Variants in TSPAN5 observed in about 807,000 individuals in gnomAD.
The protein encoded by TSPAN5 is tetraspanin-5.
In TSPAN5, 10 loss-of-function variants were observed where a neutral mutation model predicts 37.1. The ratio of observed to expected loss-of-function variants is 0.27; its 90% confidence interval spans 0.17 to 0.46. The LOEUF (loss-of-function observed/expected upper bound fraction) is 0.46. Ranked by LOEUF, TSPAN5 falls within the 20% of genes least tolerant of loss-of-function variation. TSPAN5 has a pLI of 1.00. For missense variants in TSPAN5, 195 were observed against 326.6 expected (o/e 0.60, Z 3.11); for synonymous variants, 110 against 118.9 (o/e 0.93, Z 0.48).
At chr4:98,564,858 A>G (rs1754966547) in intron 1 of TSPAN5, among the ~76,000 whole-genome samples, 1 of 152,166 alleles carries the variant, frequency 6.6e-6, no homozygotes, top group Non-Finnish European at 1.5e-5. Context: ...AAAAAGAACA[A>G]AAGCTTTTTC....
chr4:98,588,186 A>C (rs1258213112), intron 1 of TSPAN5, among the ~76,000 whole-genome samples: 1 of 152,186 alleles, frequency 6.6e-6, no homozygotes, highest in Admixed American at 6.5e-5. Flanking sequence ...AATTAACTTC[A>C]TCATGGCCTG....
chr4:98,609,143 A>G (rs868532691), intron 1 of TSPAN5, among the ~76,000 whole-genome samples: 1 of 152,334 alleles, frequency 6.6e-6, no homozygotes, highest in South Asian at 2.1e-4. Context: ...AAAAAACCCA[A>G]CAGCTACCAC....
chr4:98,557,605 T>C (rs13141997), intron 1 of TSPAN5, among the ~76,000 whole-genome samples: 87,374 of 152,040 alleles, frequency 0.57, 26,025 homozygotes, highest in South Asian at 0.77. Flanking sequence ...TGCCCACAAC[T>C]GGGAAGGGCA....
intron 1 of TSPAN5, among the ~76,000 whole-genome samples, chr4:98,633,066 T>C (rs1756782433): frequency 1.3e-5 from 2 of 152,006 alleles, no homozygotes; most frequent in African/African-American, 4.8e-5. Context: ...CTGGTTGGAC[T>C]CATGAGGGCA....
At chr4:98,539,033 G>A (rs757185201) in intron 1 of TSPAN5, among the ~76,000 whole-genome samples, 20 of 151,778 alleles carry the variant, frequency 1.3e-4, no homozygotes, top group Non-Finnish European at 2.4e-4. Flanking sequence ...GTAACAGTTG[G>A]GGGTGGGAGG....
intron 1 of TSPAN5, among the ~76,000 whole-genome samples, chr4:98,564,047 C>CAA (rs1754941860): frequency 6.6e-6 from 1 of 152,104 alleles, no homozygotes; most frequent in Admixed American, 6.5e-5. Flanking sequence ...GACACACACA[C>CAA]AAAAAACGTG....
chr4:98,475,413 A>G (rs1752669730), intron 7 of TSPAN5, among the ~76,000 whole-genome samples: 1 of 152,212 alleles, frequency 6.6e-6, no homozygotes, highest in African/African-American at 2.4e-5. Context: ...CCAGGAGGAA[A>G]AGTGGGTGCT....
intron 1 of TSPAN5, among the ~76,000 whole-genome samples, chr4:98,607,615 T>A (rs138812619): frequency 6.6e-6 from 1 of 152,242 alleles, no homozygotes; most frequent in Non-Finnish European, 1.5e-5. Context: ...ATTGCCTACA[T>A]ATACATTTTG....
chr4:98,549,533 T>G (rs1244659494), intron 1 of TSPAN5, among the ~76,000 whole-genome samples: 1 of 152,056 alleles, frequency 6.6e-6, no homozygotes, highest in Non-Finnish European at 1.5e-5. Context: ...ACTCCTGACC[T>G]TGTGATCTGC....
At chr4:98,599,671 T>A (rs532773469) in intron 1 of TSPAN5, among the ~76,000 whole-genome samples, 2 of 152,346 alleles carry the variant, frequency 1.3e-5, no homozygotes, top group African/African-American at 4.8e-5. Flanking sequence ...TTCATATGAA[T>A]GAACATTGTA....
chr4:98,658,115 T>C (rs1427335920), intron 1 of TSPAN5, 31 bp downstream of exon 1: 1 of 1,575,494 alleles, frequency 6.3e-7, no homozygotes, highest in Admixed American at 1.7e-5. Flanking sequence ...TCGGCCACAA[T>C]AGTTGGAATC....
intron 3 of TSPAN5, among the ~76,000 whole-genome samples, chr4:98,485,792 A>C (rs2110263379): frequency 7.2e-6 from 1 of 138,072 alleles, no homozygotes; most frequent in African/African-American, 3.0e-5. Flanking sequence ...TTTTAATGAG[A>C]ATGTCCCTGG....
intron 1 of TSPAN5, among the ~76,000 whole-genome samples, chr4:98,562,802 A>G (rs1056435376): frequency 1.3e-5 from 2 of 152,222 alleles, no homozygotes; most frequent in South Asian, 4.1e-4. Flanking sequence ...AAGAGAGACT[A>G]AGACGACTCC....
chr4:98,537,648 C>A (rs1212064406), intron 1 of TSPAN5, among the ~76,000 whole-genome samples: 1 of 152,204 alleles, frequency 6.6e-6, no homozygotes, highest in Non-Finnish European at 1.5e-5. Context: ...CCCATGCTCT[C>A]AACATGTGCC....
At chr4:98,625,475 T>C (rs1234999405) in intron 1 of TSPAN5, among the ~76,000 whole-genome samples, 1 of 152,194 alleles carries the variant, frequency 6.6e-6, no homozygotes, top group African/African-American at 2.4e-5. Flanking sequence ...CAACTCAAGA[T>C]TACCCATGCA....
intron 5 of TSPAN5, among the ~76,000 whole-genome samples, chr4:98,478,171 T>C (rs1752749288): frequency 6.6e-6 from 1 of 152,210 alleles, no homozygotes; most frequent in Non-Finnish European, 1.5e-5. Flanking sequence ...CTATCTTGTC[T>C]CAAACTCTCC....
chr4:98,643,364 T>G (rs1272977058), intron 1 of TSPAN5, among the ~76,000 whole-genome samples: 2 of 152,172 alleles, frequency 1.3e-5, no homozygotes, highest in South Asian at 2.1e-4. Flanking sequence ...TGAAATCCCA[T>G]GACTCATTTC....
chr4:98,598,204 G>C (rs1407854758), intron 1 of TSPAN5, among the ~76,000 whole-genome samples: 1 of 140,712 alleles, frequency 7.1e-6, no homozygotes, highest in Non-Finnish European at 1.5e-5. Flanking sequence ...GATTTTCCAG[G>C]TGCGTCCGTC....
At chr4:98,566,346 C>CG (rs1755004451) in intron 1 of TSPAN5, among the ~76,000 whole-genome samples, 11 of 32,652 alleles carry the variant, frequency 3.4e-4, no homozygotes, top group African/African-American at 5.1e-4. Flanking sequence ...AACCTTATGG[C>CG]GGGTGGGGGT....
Sources: allele counts gnomAD v4.1 joint callset (sites outside exome capture counted in the v4.1 genomes callset), GRCh38; gene constraint gnomAD v4.1.1; transcripts MANE v1.5; gene names NCBI Gene and HGNC (gene_info 2026-07-23, HGNC 2026-07-21).